Variants in GRID1 observed in about 807,000 individuals in gnomAD.
The protein encoded by GRID1 is glutamate ionotropic receptor delta type subunit 1.
A neutral mutation model predicts 98.0 loss-of-function variants in GRID1; 28 were observed. The observed-to-expected ratio is 0.29, with a 90% CI of 0.21 to 0.39. The LOEUF is 0.39. Ranked by LOEUF, GRID1 falls within the 10% of genes least tolerant of loss-of-function variation. The pLI is 1.00. For missense variants in GRID1, 1,111 were observed against 1,340.5 expected (o/e 0.83, Z 2.67); for synonymous variants, 553 against 538.5 (o/e 1.03, Z -0.37).
At chr10:85,729,652 G>A in intron 8 of GRID1, 38 bp from the exon 9 acceptor site, 1 of 1,333,328 alleles carries the variant, frequency 7.5e-7, no homozygotes, top group Non-Finnish European at 1.1e-6. Context: ...GGATGGAACT[G>A]GCACCCGTGC....
At chr10:86,243,302 G>C (rs1203308994) in intron 2 of GRID1, among the ~76,000 whole-genome samples, 1 of 152,176 alleles carries the variant, frequency 6.6e-6, no homozygotes, top group Non-Finnish European at 1.5e-5. Flanking sequence ...GGGGAGGACA[G>C]GATAGGGGTC....
At chr10:86,269,283 C>T (rs1472202618) in intron 2 of GRID1, among the ~76,000 whole-genome samples, 1 of 152,172 alleles carries the variant, frequency 6.6e-6, no homozygotes, top group Non-Finnish European at 1.5e-5. Context: ...TGGCCTGAGT[C>T]CCAAGCCCTG....
chr10:85,690,872 G>GACACAC lies in GRID1; in HGVS notation c.1997+32125_1997+32130dup, dbSNP rs113101674. On this transcript the variant is annotated intron_variant, in intron 12 of 15. Transcript: ENST00000327946. ...ATTTTCAAATATTATCAGCAGTGCA[G>GACACAC]ACACACACACACACACACACATTGT... Among the ~76,000 whole-genome samples the GACACAC allele has an allele frequency of 1.1e-3, 171 of 150,356 alleles. 2 individuals are homozygous for GACACAC. Among genetic ancestry groups the GACACAC allele is most frequent in the Non-Finnish European group, 2.1e-3 (143 of 67,438 alleles).
chr10:86,116,195 C>G (rs1028586422), intron 4 of GRID1, among the ~76,000 whole-genome samples: 1 of 152,178 alleles, frequency 6.6e-6, no homozygotes, highest in African/African-American at 2.4e-5. Context: ...GAGTAAACAG[C>G]AGAAATATCA....
In GRID1 at chr10:86,082,823, C is replaced by A. The variant is rs1843996303; in HGVS notation, c.726+55996G>T. Among the ~76,000 whole-genome samples the A allele has an allele frequency of 2.0e-5, 3 of 152,214 alleles. No homozygotes were observed. In the South Asian group the frequency reaches 6.2e-4, roughly 32 times the overall value. On this transcript the variant is annotated intron_variant, in intron 4 of 15. Transcript: ENST00000327946. Reference sequence around the variant, plus strand: ...TGTCCCCTCTGCCTGCACTGTCCTGCCCCCTTTCTTTGCTTCCATTCTCTG... The same window carrying A: ...TGTCCCCTCTGCCTGCACTGTCCTGACCCCTTTCTTTGCTTCCATTCTCTG...
At chr10:86,171,845 C>T (rs544417494) in intron 3 of GRID1, among the ~76,000 whole-genome samples, 44 of 152,246 alleles carry the variant, frequency 2.9e-4, no homozygotes, top group Admixed American at 7.2e-4. Context: ...AGAAAGCAAA[C>T]GCCGGAGGAA....
intron 4 of GRID1, among the ~76,000 whole-genome samples, chr10:86,104,303 C>T (rs1232557443): frequency 2.6e-5 from 4 of 152,218 alleles, no homozygotes; most frequent in African/African-American, 9.6e-5. Context: ...GTGAAGTTCC[C>T]TCCAACTCTG....
chr10:85,974,875 T>C (rs1842452189), intron 4 of GRID1, among the ~76,000 whole-genome samples: 2 of 152,192 alleles, frequency 1.3e-5, no homozygotes, highest in Admixed American at 1.3e-4. Flanking sequence ...TCCTCCCACC[T>C]TGGACTCCCA....
chr10:85,927,356 G>T (rs1841788685), intron 4 of GRID1, among the ~76,000 whole-genome samples: 1 of 152,210 alleles, frequency 6.6e-6, no homozygotes, highest in Non-Finnish European at 1.5e-5. Context: ...AGGATCAGTG[G>T]CATGAGGCAT....
intron 6 of GRID1, 26 bp from the exon 7 acceptor site, chr10:85,856,216 C>CT: frequency 6.2e-7 from 1 of 1,609,682 alleles, no homozygotes; most frequent in Non-Finnish European, 8.5e-7. Context: ...CAGTGAAACC[C>CT]TTTCCACAGG....
At chr10:86,159,292 T>C (rs1845287526) in intron 3 of GRID1, among the ~76,000 whole-genome samples, 1 of 152,236 alleles carries the variant, frequency 6.6e-6, no homozygotes, top group African/African-American at 2.4e-5. Context: ...CACCACAAAA[T>C]GACATTTCAG....
At chr10:86,174,302 C>A (rs1025955815) in intron 3 of GRID1, among the ~76,000 whole-genome samples, 13 of 152,002 alleles carry the variant, frequency 8.6e-5, no homozygotes, top group African/African-American at 2.9e-4. Flanking sequence ...AGATATAGAT[C>A]AATGGAACAG....
intron 2 of GRID1, among the ~76,000 whole-genome samples, chr10:86,208,376 C>T (rs1446048628): frequency 6.6e-6 from 1 of 152,114 alleles, no homozygotes; most frequent in Non-Finnish European, 1.5e-5. Flanking sequence ...TGAGTTCTCT[C>T]CTAAACAGAA....
At chr10:85,699,170 A>C (rs1841425676) in intron 12 of GRID1, among the ~76,000 whole-genome samples, 1 of 152,160 alleles carries the variant, frequency 6.6e-6, no homozygotes, top group East Asian at 1.9e-4. Context: ...CTCCTGCCTC[A>C]GCTTTCCCAG....
intron 5 of GRID1, among the ~76,000 whole-genome samples, chr10:85,905,077 A>C (rs530264331): frequency 3.3e-4 from 50 of 152,234 alleles, no homozygotes; most frequent in African/African-American, 1.2e-3. Context: ...GCCAAGGTAC[A>C]TGATAATCAA....
At chr10:85,603,493 T>A (rs1013229151) in intron 15 of GRID1, among the ~76,000 whole-genome samples, 8 of 152,354 alleles carry the variant, frequency 5.3e-5, no homozygotes, top group African/African-American at 1.9e-4. Context: ...AGGAAATTAC[T>A]TGGCTTGTTT....
chr10:85,724,705 G>T lies in GRID1; in HGVS notation c.1534-29C>A, dbSNP rs532859984. ...AAAGGCAAAGCCATCTCATTTAGAC[G>T]GCAGTCCTCAGCTTACTGCTGGGTT... On this transcript the variant is annotated intron_variant, in intron 10 of 15. Coordinates refer to ENST00000327946, the MANE Select transcript of GRID1 (RefSeq NM_017551.3). 6.3e-6 allele frequency: 10 copies of T among 1,575,052 alleles called. No individual in the cohort carries two copies. The East Asian group carries it at 1.3e-4, about 21-fold the overall frequency.
chr10:85,708,599 A>T (rs1841549735), intron 12 of GRID1, among the ~76,000 whole-genome samples: 1 of 152,222 alleles, frequency 6.6e-6, no homozygotes, highest in South Asian at 2.1e-4. Context: ...AAATTGGAAA[A>T]TGATCATTTC....
rs560871902 is a variant in GRID1, at chr10:85,614,380, TG to T, written c.2361-734del. On this transcript the variant is annotated intron_variant, in intron 14 of 15. Coordinates refer to ENST00000327946, the MANE Select transcript of GRID1 (RefSeq NM_017551.3). Reference sequence around the variant, plus strand: ...ATGACTAATTATAAAACAGCTCACATGGGTCTAGCATGTTCTAGTGCCAAGG... The same window carrying T: ...ATGACTAATTATAAAACAGCTCACATGGTCTAGCATGTTCTAGTGCCAAGG... Among the ~76,000 whole-genome samples the T allele has an allele frequency of 2.3e-3, 344 of 152,332 alleles. 2 individuals carry two copies. The highest frequency in any genetic ancestry group is 8.0e-3 in the African/African-American group (334 of 41,572).
Sources: allele counts gnomAD v4.1 joint callset (sites outside exome capture counted in the v4.1 genomes callset), GRCh38; gene constraint gnomAD v4.1.1; transcripts MANE v1.5; gene names NCBI Gene and HGNC (gene_info 2026-07-23, HGNC 2026-07-21).